Variants in BLZF1 observed in about 807,000 individuals in gnomAD.
BLZF1 encodes basic leucine zipper nuclear factor 1.
In BLZF1, 39 loss-of-function variants were observed where a neutral mutation model predicts 43.8. That is an observed-to-expected ratio of 0.89 (90% CI 0.69 to 1.16). BLZF1 has a LOEUF of 1.16. Among genes scored for constraint, BLZF1 ranks in the 50% most tolerant of loss-of-function variants. The pLI is 0.00. For missense variants in BLZF1, 449 were observed against 469.8 expected (o/e 0.96, Z 0.41); for synonymous variants, 136 against 159.4 (o/e 0.85, Z 1.11).
intron 6 of BLZF1, among the ~76,000 whole-genome samples, chr1:169,386,548 G>A (rs1022958739): frequency 5.9e-5 from 9 of 151,624 alleles, no homozygotes; most frequent in Non-Finnish European, 1.2e-4. Flanking sequence ...GCATGGTGGC[G>A]GGCGCCTATA....
chr1:169,394,827 CGTT>C (rs1277073617), intron 7 of BLZF1: 3 of 353,416 alleles, frequency 8.5e-6, no homozygotes, highest in Non-Finnish European at 1.5e-5. Context: ...AGAATTCATT[CGTT>C]GTTCAATTTG....
In BLZF1 at chr1:169,376,889, A is replaced by G; in HGVS notation, c.378A>G (p.Val126=). The change falls in exon 3 of 7, where the codon GTA becomes GTG. Residue 126 remains valine, a synonymous_variant. Transcript: ENST00000367808. The part of the protein sequence containing the change: ...VIEPNKELSE[V]KNVLEKLKNS... ...AACCTAATAAGGAACTCTCAGAGGTAAAGAATGTATTGGAAAAGCTCAAGA... is the reference window on the plus strand; with the variant it reads ...AACCTAATAAGGAACTCTCAGAGGTGAAGAATGTATTGGAAAAGCTCAAGA... 6.2e-7 allele frequency: 1 copy of G among 1,613,332 alleles called. No individual in the cohort carries two copies. The highest frequency in any genetic ancestry group is 8.5e-7 in the Non-Finnish European group (1 of 1,179,546).
Position 169,369,509 on chromosome 1 carries a change from G to T in BLZF1, c.-14G>T. The T allele has an allele frequency of 6.2e-7, 1 of 1,608,922 alleles. No individual in the cohort carries two copies. The highest frequency in any genetic ancestry group is 1.3e-5 in the African/African-American group (1 of 74,804). ...GAAGTCTTGGAGTGCATTTTCAGTG[G>T]TTAAGGTGAAAAAATGACTACTAAA... On this transcript the variant is annotated 5_prime_UTR_variant, in exon 2 of 7. Transcript: ENST00000367808.
At chr1:169,375,393 CATATATATATATATATATAT>C (rs58679820) in intron 2 of BLZF1, among the ~76,000 whole-genome samples, 11,636 of 85,866 alleles carry the variant, frequency 0.14, 875 homozygotes, top group Admixed American at 0.28. Context: ...ATATATAAAA[CATATATATATATATATATAT>C]ATATATATAT....
rs1312159770 is a variant in BLZF1, at chr1:169,387,353, A to G, written c.*171A>G. ...ACTCCAGATTACCCTTTCTTAATAA[A>G]TATCTCAGGGTAAGGAAAGAAAGAA... is the stretch of plus-strand genomic sequence containing the variant. On this transcript the variant is annotated 3_prime_UTR_variant, in exon 7 of 7. Coordinates refer to ENST00000367808, the MANE Select transcript of BLZF1 (RefSeq NM_001320973.2). The G allele has an allele frequency of 7.1e-6, 4 of 559,680 alleles. No individual in the cohort carries two copies. The highest frequency in any genetic ancestry group is 3.3e-5 in the East Asian group (1 of 30,148). The allele number at this position is 559,680 out of a possible 1,614,324, so 34.7% of individuals were successfully genotyped here. A position where few individuals can be genotyped will look rare whatever the true frequency, so the allele number is the denominator to read the frequency against.
intron 7 of BLZF1, among the ~76,000 whole-genome samples, chr1:169,395,501 C>T (rs1654969585): frequency 6.6e-6 from 1 of 152,060 alleles, no homozygotes; most frequent in Non-Finnish European, 1.5e-5. Flanking sequence ...AGATCCTATT[C>T]TTTTTTTAGA....
downstream of BLZF1, among the ~76,000 whole-genome samples, chr1:169,389,112 ACT>A (rs765761224): frequency 5.3e-5 from 8 of 150,062 alleles, no homozygotes; most frequent in Admixed American, 4.7e-4. Flanking sequence ...ACGGAGCGAA[ACT>A]CTGTCTCAAA....
chr1:169,391,413 C>T (rs116831131), downstream of BLZF1, among the ~76,000 whole-genome samples: 291 of 152,274 alleles, frequency 1.9e-3, 4 homozygotes, highest in African/African-American at 6.8e-3. Context: ...TGTCTCCTTG[C>T]AAGCCACTGG....
At chr1:169,373,110 T>G (rs1208773111) in intron 2 of BLZF1, among the ~76,000 whole-genome samples, 2 of 152,156 alleles carry the variant, frequency 1.3e-5, no homozygotes, top group East Asian at 3.8e-4. Flanking sequence ...CTCTGGTCCT[T>G]TACAGAAAAA....
At chr1:169,375,354 TAA>T (rs142587239) in intron 2 of BLZF1, among the ~76,000 whole-genome samples, 4 of 134,424 alleles carry the variant, frequency 3.0e-5, no homozygotes, top group African/African-American at 1.1e-4. Context: ...AACATATATA[TAA>T]AAAACATATA....
rs750521552 is a variant in BLZF1, at chr1:169,376,615, T to C, written c.104T>C (p.Val35Ala). 1.9e-6 allele frequency: 3 copies of C among 1,612,944 alleles called. No individual in the cohort carries two copies. In the African/African-American group the frequency reaches 4.0e-5, roughly 22 times the overall value. ...ETEEPPKSVE[V>A]TSGVQSRKHH... is the part of the protein sequence containing the mutation. ...GAGGAACCACCTAAATCTGTTGAAG[T>C]TACCTCCGGAGTCCAATCTAGAAAG... Residue 35 changes from valine to alanine, a missense_variant, in exon 3 of 7, where the codon GTT (valine) becomes GCT (alanine). Coordinates refer to ENST00000367808, the MANE Select transcript of BLZF1 (RefSeq NM_001320973.2).
At chr1:169,372,210 T>C (rs769697973) in intron 2 of BLZF1, among the ~76,000 whole-genome samples, 3 of 148,636 alleles carry the variant, frequency 2.0e-5, no homozygotes, top group Non-Finnish European at 1.5e-5. Context: ...GGGTGACATT[T>C]AAAAAGACTC....
intron 2 of BLZF1, among the ~76,000 whole-genome samples, chr1:169,372,890 TAGTGGAC>T (rs1654167949): frequency 6.6e-6 from 1 of 152,138 alleles, no homozygotes; most frequent in Admixed American, 6.5e-5. Flanking sequence ...AGTTTGATAA[TAGTGGAC>T]ATTAACACTA....
intron 1 of BLZF1, among the ~76,000 whole-genome samples, chr1:169,368,574 C>G (rs1209111417): frequency 1.3e-5 from 2 of 152,202 alleles, no homozygotes; most frequent in African/African-American, 4.8e-5. Context: ...CTTCTTCACC[C>G]CCTCCGCTTC....
In BLZF1 at chr1:169,387,066, C is replaced by T; in HGVS notation, c.1087C>T (p.Pro363Ser). The change falls in exon 7 of 7, where the codon CCA becomes TCA. Residue 363 changes from proline to serine, a missense_variant. Pro to Ser is a moderately conservative substitution (Grantham distance 74). Transcript: ENST00000367808. ...TGATAATCCATTTTTTGAGTCTTCA[C>T]CAACCACCTTACTTGCTACAAAGAA... is the stretch of plus-strand genomic sequence containing the variant. ...SPDNPFFESS[P>S]TTLLATKKNI... 6.2e-7 allele frequency: 1 copy of T among 1,613,192 alleles called. No individual in the cohort carries two copies. The highest frequency in any genetic ancestry group is 8.5e-7 in the Non-Finnish European group (1 of 1,179,606).
At chr1:169,376,392 T>C in intron 2 of BLZF1, 148 bp from the exon 3 acceptor site, 1 of 634,768 alleles carries the variant, frequency 1.6e-6, no homozygotes, top group Non-Finnish European at 2.5e-6. Flanking sequence ...TGTTGACACA[T>C]GATTGTTTTG....
At position 169,387,015 on chromosome 1, in the gene BLZF1, C is replaced by A; in HGVS notation, c.1036C>A (p.Pro346Thr). 6.2e-7 allele frequency: 1 copy of A among 1,607,558 alleles called. No homozygotes were observed. Among genetic ancestry groups the A allele is most frequent in the Non-Finnish European group, 8.5e-7 (1 of 1,177,408 alleles). Reference sequence around the variant, plus strand: ...TCCTTAGGTTCTAAGAATTTTAGATCCAGTTACCTGCAAAGAGAGTTCACC... The same window carrying A: ...TCCTTAGGTTCTAAGAATTTTAGATACAGTTACCTGCAAAGAGAGTTCACC... ...MAETVLRILD[P>T]VTCKESSPDN... is the part of the protein sequence containing the mutation. The change falls in exon 7 of 7, where the codon CCA becomes ACA. Residue 346 changes from proline to threonine, a missense_variant. Pro to Thr is a conservative substitution (Grantham distance 38). Transcript: ENST00000367808.
chr1:169,382,283 T>C lies in BLZF1; in HGVS notation c.1017+2T>C. ...CCAGCTGAGAAAATGGCTGAAACGG[T>C]AAAATATTTTCTTTTGTGATCTATG... On this transcript the variant is annotated splice_donor_variant, in intron 6 of 6. Coordinates refer to ENST00000367808, the MANE Select transcript of BLZF1 (RefSeq NM_001320973.2). LOFTEE classifies it high-confidence loss of function. The C allele has an allele frequency of 6.2e-7, 1 of 1,611,382 alleles. No individual in the cohort carries two copies. Among genetic ancestry groups the C allele is most frequent in the South Asian group, 1.1e-5 (1 of 90,972 alleles).
rs73036875 is a variant in BLZF1 at position 169,377,165 on chromosome 1, C to A, written c.468+186C>A. 839 of 613,588 alleles carry A rather than the reference C, an allele frequency of 1.4e-3. 3 individuals are homozygous for A. Among genetic ancestry groups the A allele is most frequent in the African/African-American group, 0.01 (553 of 53,554 alleles). The allele number at this position is 613,588 out of a possible 1,614,324, so 38.0% of individuals were successfully genotyped here. A position where few individuals can be genotyped will look rare whatever the true frequency, so the allele number is the denominator to read the frequency against. ...CTCTAGGGATACTTTATATTGGGAA[C>A]TTATACTCTAAACCTCATTGAAGAT... is the stretch of plus-strand genomic sequence containing the variant. On this transcript the variant is annotated intron_variant, in intron 3 of 6. Coordinates refer to ENST00000367808, the MANE Select transcript of BLZF1 (RefSeq NM_001320973.2).
Sources: allele counts gnomAD v4.1 joint callset (sites outside exome capture counted in the v4.1 genomes callset), GRCh38; gene constraint gnomAD v4.1.1; transcripts MANE v1.5; gene names NCBI Gene and HGNC (gene_info 2026-07-23, HGNC 2026-07-21).